The following ANGPT1 variants were observed in gnomAD, a reference collection of about 807,000 sequenced individuals.
ANGPT1 encodes the protein angiopoietin 1, also known as angiopoietin-1.
ANGPT1 carries 17 observed loss-of-function variants against 62.2 expected under a neutral mutation model. The observed-to-expected ratio is 0.27, with a 90% CI of 0.19 to 0.41. ANGPT1 has a LOEUF of 0.41. Among genes scored for constraint, ANGPT1 ranks in the 10% least tolerant of loss-of-function variants. ANGPT1 has a pLI of 1.00. For synonymous variants in ANGPT1, 199 were observed against 198.9 expected (o/e 1.00, Z 0.00); for missense variants, 478 against 594.9 (o/e 0.80, Z 2.04).
At position 107,264,084 on chromosome 8, in the gene ANGPT1, T is replaced by TG. The variant is rs539700668; in HGVS notation, c.1336+136dup. ...TACACAAGAACGCAGGGTAAATTCGTGGGCAGAACAAAATGATCTCTAGGG... is the reference window on the plus strand; with the variant it reads ...TACACAAGAACGCAGGGTAAATTCGTGGGGCAGAACAAAATGATCTCTAGGG... On this transcript the variant is annotated intron_variant, in intron 8 of 8. Coordinates refer to ENST00000517746, the MANE Select transcript of ANGPT1 (RefSeq NM_001146.5). 1.3e-4 allele frequency: 136 copies of TG among 1,067,676 alleles called. No individual in the cohort carries two copies. In the African/African-American group the frequency reaches 2.1e-3, roughly 16 times the overall value. 66.1% of individuals were successfully genotyped at this position (1,067,676 alleles called of 1,614,324 possible). A position where few individuals can be genotyped will look rare whatever the true frequency, so the allele number is the denominator to read the frequency against.
intron 1 of ANGPT1, among the ~76,000 whole-genome samples, chr8:107,367,719 A>G (rs1816305750): frequency 6.6e-6 from 1 of 152,216 alleles, no homozygotes; most frequent in Non-Finnish European, 1.5e-5. Flanking sequence ...TGTCATTTCA[A>G]CAATGTTCAT....
intron 1 of ANGPT1, among the ~76,000 whole-genome samples, chr8:107,494,362 T>A (rs1813040091): frequency 6.6e-6 from 1 of 152,156 alleles, no homozygotes; most frequent in South Asian, 2.1e-4. Flanking sequence ...AGGCCAGCTG[T>A]ATTTATCATT....
chr8:107,305,874 G>A (rs1489277865), intron 4 of ANGPT1, among the ~76,000 whole-genome samples: 1 of 152,018 alleles, frequency 6.6e-6, no homozygotes, highest in Non-Finnish European at 1.5e-5. Flanking sequence ...CTTTAGAGTA[G>A]CAAGGCATTG....
intron 1 of ANGPT1, among the ~76,000 whole-genome samples, chr8:107,448,727 C>G (rs1217992924): frequency 6.6e-6 from 1 of 152,144 alleles, no homozygotes; most frequent in Non-Finnish European, 1.5e-5. Context: ...TATAAAACCA[C>G]TCTCATTGAA....
intron 7 of ANGPT1, among the ~76,000 whole-genome samples, chr8:107,275,231 A>G (rs1813836640): frequency 6.6e-6 from 1 of 152,090 alleles, no homozygotes; most frequent in Non-Finnish European, 1.5e-5. Context: ...TTGCCCCCAG[A>G]GGCCATGGCT....
At position 107,370,388 on chromosome 8, in the gene ANGPT1, GAAA is replaced by G. The variant is rs1816376672; in HGVS notation, c.298-23294_298-23292del. On this transcript the variant is annotated intron_variant, in intron 1 of 8. Coordinates refer to ENST00000517746, the MANE Select transcript of ANGPT1 (RefSeq NM_001146.5). The stretch of plus-strand genomic sequence containing the variant: ...AGAAAGAAAGAAAGAAAGAAAGAAA[GAAA>G]GAAAGAAAGAAAGAAAGAGTCAGGG... 9.3e-5 allele frequency among the ~76,000 whole-genome samples: 5 copies of G among 54,048 alleles called. 2 individuals carry two copies. The highest frequency in any genetic ancestry group is 2.5e-4 in the Non-Finnish European group (5 of 20,378). The allele number at this position is 54,048 out of a possible 152,430, so 35.5% of individuals were successfully genotyped here.
intron 3 of ANGPT1, among the ~76,000 whole-genome samples, chr8:107,335,348 T>C (rs983270396): frequency 3.9e-5 from 6 of 152,226 alleles, no homozygotes; most frequent in African/African-American, 1.4e-4. Context: ...CTCAATATTA[T>C]GCATAGGAAC....
At chr8:107,360,445 C>T (rs557171966) in intron 1 of ANGPT1, among the ~76,000 whole-genome samples, 9 of 152,190 alleles carry the variant, frequency 5.9e-5, no homozygotes, top group Non-Finnish European at 8.8e-5. Context: ...TCTTTGATGC[C>T]CGGGTCACTC....
intron 3 of ANGPT1, among the ~76,000 whole-genome samples, chr8:107,324,830 TG>T (rs1815248256): frequency 6.6e-6 from 1 of 152,186 alleles, no homozygotes; most frequent in South Asian, 2.1e-4. Flanking sequence ...GTGTGACTTC[TG>T]CAGTAGAAGT....
chr8:107,308,790 T>C (rs1325843994), intron 4 of ANGPT1, among the ~76,000 whole-genome samples: 2 of 152,182 alleles, frequency 1.3e-5, no homozygotes, highest in African/African-American at 2.4e-5. Flanking sequence ...AGGGATAGAA[T>C]AGAGACACAA....
At chr8:107,279,049 G>T (rs963138103) in intron 7 of ANGPT1, among the ~76,000 whole-genome samples, 1 of 152,026 alleles carries the variant, frequency 6.6e-6, no homozygotes, top group South Asian at 2.1e-4. Flanking sequence ...TCCTGATTCC[G>T]ACTCCAGAGC....
At chr8:107,284,594 T>A (rs2130135472) in intron 7 of ANGPT1, 88 bp downstream of exon 7, 1 of 1,206,566 alleles carries the variant, frequency 8.3e-7, no homozygotes, top group East Asian at 2.8e-5. Flanking sequence ...GAAGGATGAT[T>A]TTCATTTCTT....
chr8:107,292,187 T>G (rs1295835775), intron 6 of ANGPT1, among the ~76,000 whole-genome samples: 1 of 152,168 alleles, frequency 6.6e-6, no homozygotes, highest in Admixed American at 6.5e-5. Context: ...TTAACTAAAA[T>G]AGCTATCAGG....
chr8:107,494,064 A>G (rs896463753), intron 1 of ANGPT1, among the ~76,000 whole-genome samples: 4 of 136,928 alleles, frequency 2.9e-5, no homozygotes, highest in African/African-American at 5.5e-5. Context: ...AAATATGTAT[A>G]GCAAATAGAC....
At chr8:107,402,002 C>A (rs186616635) in intron 1 of ANGPT1, among the ~76,000 whole-genome samples, 84 of 152,202 alleles carry the variant, frequency 5.5e-4, no homozygotes, top group Non-Finnish European at 9.9e-4. Context: ...CCATCCTCGC[C>A]ACCTCCAGGA....
At chr8:107,394,446 T>C (rs1267352830) in intron 1 of ANGPT1, among the ~76,000 whole-genome samples, 1 of 152,134 alleles carries the variant, frequency 6.6e-6, no homozygotes, top group Non-Finnish European at 1.5e-5. Context: ...AGCACAGTGA[T>C]CTATTGAAAT....
chr8:107,492,817 G>A (rs965108926), intron 1 of ANGPT1, among the ~76,000 whole-genome samples: 2 of 150,446 alleles, frequency 1.3e-5, no homozygotes, highest in African/African-American at 4.9e-5. Context: ...AAGTTCTCAT[G>A]TGCACATATT....
chr8:107,366,084 G>A (rs1654700), intron 1 of ANGPT1, among the ~76,000 whole-genome samples: 79,088 of 151,516 alleles, frequency 0.52, 20,679 homozygotes, highest in Admixed American at 0.6. Flanking sequence ...ATAATGTTCA[G>A]TTACAAAACA....
chr8:107,453,559 C>T (rs914211015), intron 1 of ANGPT1, among the ~76,000 whole-genome samples: 1 of 151,998 alleles, frequency 6.6e-6, no homozygotes, highest in Non-Finnish European at 1.5e-5. Context: ...GAAAGCCCTG[C>T]CCCCATGATT....
Sources: gnomAD v4.1 joint callset for allele counts (sites outside exome capture counted in the v4.1 genomes callset) on GRCh38, gnomAD v4.1.1 for gene constraint, MANE v1.5 for transcripts, NCBI Gene and HGNC (gene_info 2026-07-23, HGNC 2026-07-21) for gene names.